MUC5B: variants seen among roughly 807,000 people sequenced by gnomAD.
MUC5B encodes the protein mucin 5B, oligomeric mucus/gel-forming.
Under a neutral mutation model 376.9 loss-of-function variants are expected in MUC5B, and 116 were observed. That is an observed-to-expected ratio of 0.31 (90% CI 0.26 to 0.36). The LOEUF is 0.36. Ranked by LOEUF, MUC5B falls within the 10% of genes least tolerant of loss-of-function variation. The pLI, the probability that MUC5B is intolerant of heterozygous loss-of-function variation, is 1.00. For missense variants in MUC5B, 7,165 were observed against 7,769.9 expected (o/e 0.92, Z 2.93); for synonymous variants, 3,517 against 3,390.9 (o/e 1.04, Z -1.29).
rs561938458 is a variant in MUC5B at position 1,232,769 on chromosome 11, C to T, written c.2064C>T (p.Cys688=). 2.4e-5 allele frequency: 38 copies of T among 1,590,032 alleles called. No individual in the cohort carries two copies. The highest frequency in any genetic ancestry group is 3.0e-5 in the Non-Finnish European group (35 of 1,166,026). The part of the protein sequence containing the change: ...VQLSDWRDGV[C]TKYMQNCPKS... ...TCAGCGACTGGAGGGACGGCGTCTG[C>T]AGTGAGTGCCCACGCTGGGGGTGGG... Residue 688 remains cysteine, a splice_region_variant and synonymous_variant, in exon 17 of 49, where the codon TGC becomes TGT. Coordinates refer to ENST00000529681, the MANE Select transcript of MUC5B (RefSeq NM_002458.3).
In MUC5B at chr11:1,258,951, A is replaced by C; in HGVS notation, c.16603A>C (p.Thr5535Pro). ...CTCCCACCCCTTGCAGGTTGGTGCA[A>C]CCTTCCCAGGCGCCCTTCCCTGCCA... ...YNGTFYGVGA[T>P]FPGALPCHMC... The change falls in exon 44 of 49, where the codon ACC becomes CCC. Residue 5535 changes from threonine to proline, a missense_variant. Thr to Pro is a conservative substitution (Grantham distance 38, BLOSUM62 -1). This residue lies in a region of MUC5B where 842 missense variants were observed against 1,016.9 expected (regional missense o/e 0.83). Transcript: ENST00000529681. This position sits in a 1 kb window ranked among gnomAD's most constrained non-coding sequence, Gnocchi z 5.5. 6.4e-7 allele frequency: 1 copy of C among 1,550,956 alleles called. No individual in the cohort carries two copies.
rs774969000 is a variant in MUC5B at position 1,254,239 on chromosome 11, C to G, written c.15365C>G (p.Thr5122Arg). ...CTCTACCTGGACAACCACTACTGCA[C>G]GGCCTCTGCCACTGCCGCTGCCGCC... ...LSLYLDNHYCTASATAAAARC... is the reference protein window; with the variant it reads ...LSLYLDNHYCRASATAAAARC... The change falls in exon 34 of 49, where the codon ACG becomes AGG. Residue 5122 changes from threonine (T) to arginine (R), a missense_variant. This residue lies in a region of MUC5B where 842 missense variants were observed against 1,016.9 expected (regional missense o/e 0.83). Transcript: ENST00000529681. The G allele has an allele frequency of 2.5e-6, 4 of 1,612,424 alleles. No homozygotes were observed. The African/African-American group carries it at 5.3e-5, about 22-fold the overall frequency.
chr11:1,239,527 C>G lies in MUC5B; in HGVS notation c.3544C>G (p.Pro1182Ala). 1.2e-6 allele frequency: 2 copies of G among 1,600,854 alleles called. No individual in the cohort carries two copies. Among genetic ancestry groups the G allele is most frequent in the South Asian group, 1.1e-5 (1 of 90,042 alleles). ...GAPCLKTCRN[P>A]SGHCLVDLPG... The stretch of plus-strand genomic sequence containing the variant: ...ACCCTGCCTAAAAACCTGCCGGAAC[C>G]CCAGTGGGCACTGCCTGGTGGACCT... Residue 1182 changes from proline to alanine, a missense_variant, in exon 27 of 49, where the codon CCC becomes GCC. Physicochemically the swap from Pro to Ala is conservative, Grantham distance 27. Coordinates refer to ENST00000529681, the MANE Select transcript of MUC5B (RefSeq NM_002458.3).
chr11:1,260,300 A>G, intron 46 of MUC5B, 51 bp from the exon 47 acceptor site: 1 of 1,570,646 alleles, frequency 6.4e-7, no homozygotes, highest in South Asian at 1.1e-5. Flanking sequence ...GGCCGCACCC[A>G]CCAGGGAGGC....
chr11:1,224,105 A>T (rs1356544590), intron 1 of MUC5B, among the ~76,000 whole-genome samples: 1 of 152,180 alleles, frequency 6.6e-6, no homozygotes, highest in East Asian at 1.9e-4. Flanking sequence ...TTTGACCAGA[A>T]TAGCCACCTC....
chr11:1,231,090 C>G (rs949187393), intron 13 of MUC5B, 85 bp downstream of exon 13: 2 of 1,360,524 alleles, frequency 1.5e-6, no homozygotes, highest in African/African-American at 1.5e-5. Context: ...TCCGCTCCAT[C>G]CCTGCTAGTT....
At position 1,257,151 on chromosome 11, in the gene MUC5B, C is replaced by A; in HGVS notation, c.16238-89C>A. 1.3e-6 allele frequency: 1 copy of A among 772,160 alleles called. No individual in the cohort carries two copies. The allele number at this position is 772,160 out of a possible 1,614,324, so 47.8% of individuals were successfully genotyped here. ...GCCTTCCATCCCGGGGGGAAGCAGG[C>A]TCCAGGCCTGAGAGCACCTCCCATG... On this transcript the variant is annotated intron_variant, in intron 39 of 48. Transcript: ENST00000529681. This position sits in a 1 kb window ranked among gnomAD's most constrained non-coding sequence, Gnocchi z 8.9.
At chr11:1,223,279 A>G (rs561024476) in intron 1 of MUC5B, 86 bp downstream of exon 1, 2 of 700,958 alleles carry the variant, frequency 2.9e-6, no homozygotes, top group African/African-American at 3.5e-5. Context: ...CTTCTCCTGC[A>G]GAGTGCACGG....
chr11:1,230,152 T>C lies in MUC5B; in HGVS notation c.1359+9T>C, dbSNP rs1861990433. 1 of 1,588,288 alleles carries C rather than the reference T, an allele frequency of 6.3e-7. No homozygotes were observed. Among genetic ancestry groups the C allele is most frequent in the South Asian group, 1.2e-5 (1 of 86,498 alleles). ...GCTACGTTCTGTCCAAGGTCTGGGCTTGGGGCCGGGTCTTCAGACACCCAG... is the reference window on the plus strand; with the variant it reads ...GCTACGTTCTGTCCAAGGTCTGGGCCTGGGGCCGGGTCTTCAGACACCCAG... On this transcript the variant is annotated intron_variant, in intron 11 of 48. Transcript: ENST00000529681.
chr11:1,231,247 T>C (rs2133811078), intron 13 of MUC5B, among the ~76,000 whole-genome samples, 176 bp from the exon 14 acceptor site: 1 of 152,314 alleles, frequency 6.6e-6, no homozygotes, highest in South Asian at 2.1e-4. Flanking sequence ...GGTCTCCACC[T>C]GAGCCCACTT....
At position 1,246,118 on chromosome 11, in the gene MUC5B, C is replaced by T. The variant is rs769759898; in HGVS notation, c.9238C>T (p.Leu3080Phe). The change falls in exon 31 of 49, where the codon CTC (leucine) becomes TTC (phenylalanine). Residue 3080 changes from leucine (L) to phenylalanine (F), a missense_variant. Coordinates refer to ENST00000529681, the MANE Select transcript of MUC5B (RefSeq NM_002458.3). ...CTTCACCCTTGGGACCACCGGGACC[C>T]TCCCAGAACAGACCACCACACCCAT... Reference protein sequence around the residue: ...PSFTLGTTGTLPEQTTTPMAT... With the variant: ...PSFTLGTTGTFPEQTTTPMAT... 22 of 1,613,066 alleles carry T rather than the reference C, an allele frequency of 1.4e-5. No homozygotes were observed. The highest frequency in any genetic ancestry group is 2.7e-5 in the African/African-American group (2 of 74,652).
chr11:1,243,689 C>A lies in MUC5B; in HGVS notation c.6809C>A (p.Thr2270Lys), dbSNP rs759541226. ...ACCGAGTCACCCCCTTCTCCAGGGA[C>A]GACCACCCCGGGCCACACCACGGCC... Reference protein sequence around the residue: ...RTTESPPSPGTTTPGHTTATS... With the variant: ...RTTESPPSPGKTTPGHTTATS... The change falls in exon 31 of 49, where the codon ACG (threonine) becomes AAG (lysine). Residue 2270 changes from threonine (T) to lysine (K), a missense_variant. Around this residue, in one of 31 missense-constraint regions of MUC5B, gnomAD observed 79 missense variants for 63.0 expected, o/e 1.25. Transcript: ENST00000529681. 1 of 1,611,332 alleles carries A rather than the reference C, an allele frequency of 6.2e-7. No individual in the cohort carries two copies. The highest frequency in any genetic ancestry group is 2.2e-5 in the East Asian group (1 of 44,848).
Position 1,244,185 on chromosome 11 carries a change from C to T in MUC5B, c.7305C>T (p.Ile2435=), listed in dbSNP as rs770677823. 1 of 1,612,594 alleles carries T rather than the reference C, an allele frequency of 6.2e-7. No individual in the cohort carries two copies. The highest frequency in any genetic ancestry group is 1.7e-5 in the Admixed American group (1 of 59,966). ...CCTCCACTCCGGGGACGACCTGGAT[C>T]CTCACAGAGCTGACCACAACAGCCA... ...MPSSTPGTTW[I]LTELTTTATT... The change falls in exon 31 of 49, where the codon ATC becomes ATT. Residue 2435 remains isoleucine (I), a synonymous_variant. Coordinates refer to ENST00000529681, the MANE Select transcript of MUC5B (RefSeq NM_002458.3).
Position 1,249,116 on chromosome 11 carries a change from C to T in MUC5B, c.12236C>T (p.Pro4079Leu), listed in dbSNP as rs768445189. 1 of 1,611,352 alleles carries T rather than the reference C, an allele frequency of 6.2e-7. No individual in the cohort carries two copies. The highest frequency in any genetic ancestry group is 8.5e-7 in the Non-Finnish European group (1 of 1,179,556). Residue 4079 changes from proline to leucine, a missense_variant, in exon 31 of 49, where the codon CCC becomes CTC. Coordinates refer to ENST00000529681, the MANE Select transcript of MUC5B (RefSeq NM_002458.3). ...PHPSSRTTES[P>L]PSPGTTTPGH... ...CCTAGCAGCAGGACCACCGAGTCAC[C>T]CCCTTCCCCAGGGACGACCACCCCG...
chr11:1,235,802 C>CT lies in MUC5B; in HGVS notation c.2880+389_2880+390insT, dbSNP rs530943330. ...CTGGTCATTGGATTTAGGGCCCCCC[C>CT]CCGCCCCCACGTAGTCCAGGATGAT... On this transcript the variant is annotated intron_variant, in intron 23 of 48. Coordinates refer to ENST00000529681, the MANE Select transcript of MUC5B (RefSeq NM_002458.3). 2.9e-3 allele frequency among the ~76,000 whole-genome samples: 434 copies of CT among 151,836 alleles called. 5 individuals carry two copies. The highest frequency in any genetic ancestry group is 0.01 in the African/African-American group (423 of 41,496).
chr11:1,254,508 G>A (rs1253587944), intron 34 of MUC5B, among the ~76,000 whole-genome samples, 157 bp downstream of exon 34: 2 of 152,206 alleles, frequency 1.3e-5, no homozygotes, highest in African/African-American at 2.4e-5. Context: ...GCCTAAGGCC[G>A]AGCGCACCCT....
chr11:1,242,439 G>C lies in MUC5B; in HGVS notation c.5559G>C (p.Thr1853=), dbSNP rs375963569. 10 of 1,613,624 alleles carry C rather than the reference G, an allele frequency of 6.2e-6. No homozygotes were observed. Among genetic ancestry groups the C allele is most frequent in the African/African-American group, 2.7e-5 (2 of 74,828 alleles). ...VGQVLTCSLE[T]GLTCKNEDQT... Reference sequence around the variant, plus strand: ...AGGTGCTGACCTGCAGCCTGGAGACGGGGCTGACCTGCAAGAACGAAGACC... The same window carrying C: ...AGGTGCTGACCTGCAGCCTGGAGACCGGGCTGACCTGCAAGAACGAAGACC... The change falls in exon 31 of 49, where the codon ACG becomes ACC. Residue 1853 remains threonine (T), a synonymous_variant. Coordinates refer to ENST00000529681, the MANE Select transcript of MUC5B (RefSeq NM_002458.3).
chr11:1,230,277 A>C (rs1861994362), intron 11 of MUC5B, 134 bp downstream of exon 11: 1 of 1,316,302 alleles, frequency 7.6e-7, no homozygotes, highest in African/African-American at 1.5e-5. Context: ...CTGGGTCCCC[A>C]TGATGGTCAT....
rs1229891880 is a variant in MUC5B at position 1,235,284 on chromosome 11, T to C, written c.2770-19T>C. 1 of 1,610,680 alleles carries C rather than the reference T, an allele frequency of 6.2e-7. No homozygotes were observed. The highest frequency in any genetic ancestry group is 1.3e-5 in the African/African-American group (1 of 74,882). ...CACACTCCAGCCCGCGGCCAGCAGCTTGTCTCTTTCTGGCCCAGGACTACT... is the reference window on the plus strand; with the variant it reads ...CACACTCCAGCCCGCGGCCAGCAGCCTGTCTCTTTCTGGCCCAGGACTACT... On this transcript the variant is annotated intron_variant, in intron 22 of 48. Transcript: ENST00000529681.
Sources: allele counts gnomAD v4.1 joint callset (sites outside exome capture counted in the v4.1 genomes callset), GRCh38; gene constraint gnomAD v4.1.1; regional missense constraint gnomAD v4.1.1; non-coding constraint Gnocchi (gnomAD v3.1); transcripts MANE v1.5; gene names NCBI Gene and HGNC (gene_info 2026-07-23, HGNC 2026-07-21).